PCDHGB6: variants seen among roughly 807,000 people sequenced by gnomAD.
The protein encoded by PCDHGB6 is protocadherin gamma subfamily B, 6, also known as protocadherin gamma-B6.
In PCDHGB6, 51 loss-of-function variants were observed where a neutral mutation model predicts 59.1. The ratio of observed to expected loss-of-function variants is 0.86; its 90% CI spans 0.69 to 1.09. The LOEUF is 1.09. Ranked by LOEUF, PCDHGB6 falls within the 50% of genes least tolerant of loss-of-function variation. PCDHGB6 has a pLI of 0.00. For missense variants in PCDHGB6, 1,148 were observed against 1,205.1 expected, an observed-to-expected ratio of 0.95 and a Z score of 0.70; for synonymous variants, 466 against 495.1, an observed-to-expected ratio of 0.94 and a Z score of 0.78.
chr5:141,467,376 A>G (rs1391386659), intron 1 of PCDHGB6, among the ~76,000 whole-genome samples: 2 of 151,990 alleles, frequency 1.3e-5, no homozygotes. Flanking sequence ...CTTATATTGC[A>G]TTTAGGTTTT....
At chr5:141,427,599 C>G (rs1233253295) in intron 1 of PCDHGB6, 1 of 682,980 alleles carries the variant, frequency 1.5e-6, no homozygotes, top group African/African-American at 1.8e-5. Flanking sequence ...CCTCACCCTA[C>G]GCATTGGTGA....
In PCDHGB6 at chr5:141,489,684, T is replaced by A; in HGVS notation, c.2419-5123T>A. 1 of 1,614,180 alleles carries A rather than the reference T, an allele frequency of 6.2e-7. No homozygotes were observed. Among genetic ancestry groups the A allele is most frequent in the South Asian group, 1.1e-5 (1 of 91,078 alleles). ...TGCGCATCTCAGAATCAGCAGCATC[T>A]GGGGCACGATTCCCACTGGACAGTG... On this transcript the variant is annotated intron_variant, in intron 1 of 3. Transcript: ENST00000520790. This position sits in a 1 kb window ranked among gnomAD's most constrained non-coding sequence, Gnocchi z 4.5.
Position 141,408,924 on chromosome 5 carries a change from T to G in PCDHGB6, c.722T>G (p.Val241Gly). 1 of 1,612,706 alleles carries G rather than the reference T, an allele frequency of 6.2e-7. No homozygotes were observed. Reference sequence around the variant, plus strand: ...AAGGATACCAATGATAACCCCCCGGTTTTCAGCAGAGACGAATATAGAATT... The same window carrying G: ...AAGGATACCAATGATAACCCCCCGGGTTTCAGCAGAGACGAATATAGAATT... ...SVKDTNDNPP[V>G]FSRDEYRISL... The change falls in exon 1 of 4, where the codon GTT (valine) becomes GGT (glycine). Residue 241 changes from valine (V) to glycine (G), a missense_variant. Physicochemically the swap from Val to Gly is moderately radical, Grantham distance 109 (BLOSUM62 -3). Coordinates refer to ENST00000520790, the MANE Select transcript of PCDHGB6 (RefSeq NM_018926.3).
At position 141,485,100 on chromosome 5, in the gene PCDHGB6, C is replaced by G. The variant is rs900224386; in HGVS notation, c.2419-9707C>G. 1.0e-5 allele frequency: 12 copies of G among 1,148,882 alleles called. No homozygotes were observed. Among genetic ancestry groups the G allele is most frequent in the Non-Finnish European group, 1.4e-5 (11 of 778,894 alleles). 71.2% of individuals were successfully genotyped at this position (1,148,882 alleles called of 1,614,324 possible). On this transcript the variant is annotated intron_variant, in intron 1 of 3. Coordinates refer to ENST00000520790, the MANE Select transcript of PCDHGB6 (RefSeq NM_018926.3). This position sits in a 1 kb window ranked among gnomAD's most constrained non-coding sequence, Gnocchi z 5.7. ...GGGAAAGGGAGATAGGTGTCTCCAG[C>G]TGCTGTGGCTGTTTGGGGCGGGTCG...
At chr5:141,467,337 G>A (rs1018807977) in intron 1 of PCDHGB6, among the ~76,000 whole-genome samples, 1 of 152,162 alleles carries the variant, frequency 6.6e-6, no homozygotes, top group Admixed American at 6.6e-5. Flanking sequence ...AGAGACGTAA[G>A]CCACTGCCCC....
chr5:141,421,078 C>T (rs11575964), intron 1 of PCDHGB6: 20,754 of 627,892 alleles, frequency 0.033, 387 homozygotes, highest in Middle Eastern at 0.088. Context: ...GAGATGGATA[C>T]TCACAGATCC....
At position 141,486,484 on chromosome 5, in the gene PCDHGB6, C is replaced by G. The variant is rs200150307; in HGVS notation, c.2419-8323C>G. ...ATGCTGGGAACCCTCCTCTCAGTAC[C>G]CACAGAACTATTTTCCTCAATATTT... On this transcript the variant is annotated intron_variant, in intron 1 of 3. Transcript: ENST00000520790. The surrounding 1 kb of genome is among the most constrained non-coding windows in gnomAD (Gnocchi z 5.0). The G allele has an allele frequency of 2.8e-5, 45 of 1,614,102 alleles. No homozygotes were observed. In the Admixed American group the frequency reaches 5.5e-4, roughly 20 times the overall value.
At position 141,487,063 on chromosome 5, in the gene PCDHGB6, G is replaced by T; in HGVS notation, c.2419-7744G>T. The T allele has an allele frequency of 6.2e-7, 1 of 1,614,086 alleles. No homozygotes were observed. ...CTCGATATGCTGGGGAGGTGCGGACGGCTGTTCCTATCCCAGCTGACCTCC... is the reference window on the plus strand; with the variant it reads ...CTCGATATGCTGGGGAGGTGCGGACTGCTGTTCCTATCCCAGCTGACCTCC... On this transcript the variant is annotated intron_variant, in intron 1 of 3. Coordinates refer to ENST00000520790, the MANE Select transcript of PCDHGB6 (RefSeq NM_018926.3). The surrounding 1 kb of genome is among the most constrained non-coding windows in gnomAD (Gnocchi z 5.0).
rs563283218 is a variant in PCDHGB6, at chr5:141,431,573, G to A, written c.2418+20953G>A. On this transcript the variant is annotated intron_variant, in intron 1 of 3. Coordinates refer to ENST00000520790, the MANE Select transcript of PCDHGB6 (RefSeq NM_018926.3). This position sits in a 1 kb window ranked among gnomAD's most constrained non-coding sequence, Gnocchi z 4.8. ...AGTCAACGCTACCGACCCTGACGAA[G>A]GAGTCAATGCGGAAGTGAGGTATTC... 5.6e-6 allele frequency: 9 copies of A among 1,614,186 alleles called. No homozygotes were observed. The South Asian group carries it at 8.8e-5, about 16-fold the overall frequency.
Position 141,487,631 on chromosome 5 carries a change from G to T in PCDHGB6, c.2419-7176G>T. Reference sequence around the variant, plus strand: ...TGGGCTAGAGGTGAGACCTTTGCAGGCTCAACAAATGCTTGAGGGTTATTC... The same window carrying T: ...TGGGCTAGAGGTGAGACCTTTGCAGTCTCAACAAATGCTTGAGGGTTATTC... On this transcript the variant is annotated intron_variant, in intron 1 of 3. Transcript: ENST00000520790. The surrounding 1 kb of genome is among the most constrained non-coding windows in gnomAD (Gnocchi z 5.0). The T allele has an allele frequency of 6.2e-7, 1 of 1,614,176 alleles. No individual in the cohort carries two copies. Among genetic ancestry groups the T allele is most frequent in the Non-Finnish European group, 8.5e-7 (1 of 1,180,032 alleles).
At chr5:141,423,838 T>G in intron 1 of PCDHGB6, 1 of 1,279,552 alleles carries the variant, frequency 7.8e-7, no homozygotes, top group South Asian at 3.5e-5. Context: ...GAGATTACGA[T>G]AATCTTTCAG....
In PCDHGB6 at chr5:141,485,062, C is replaced by T. The variant is rs2099606141; in HGVS notation, c.2419-9745C>T. 2.3e-6 allele frequency: 2 copies of T among 876,222 alleles called. No individual in the cohort carries two copies. Among genetic ancestry groups the T allele is most frequent in the Non-Finnish European group, 3.6e-6 (2 of 552,684 alleles). 54.3% of individuals were successfully genotyped at this position (876,222 alleles called of 1,614,324 possible). ...CCTTGCGGCGCCGGCCGAACCGCGCCAGAGCTGGCGCGGGGAAAGGGAGAT... is the reference window on the plus strand; with the variant it reads ...CCTTGCGGCGCCGGCCGAACCGCGCTAGAGCTGGCGCGGGGAAAGGGAGAT... On this transcript the variant is annotated intron_variant, in intron 1 of 3. Coordinates refer to ENST00000520790, the MANE Select transcript of PCDHGB6 (RefSeq NM_018926.3). The surrounding 1 kb of genome is among the most constrained non-coding windows in gnomAD (Gnocchi z 5.7).
At chr5:141,444,152 ATTTTTTTTTTTTTTTTTTT>A (rs747671382) in intron 1 of PCDHGB6, among the ~76,000 whole-genome samples, 14 of 33,898 alleles carry the variant, frequency 4.1e-4, no homozygotes, top group South Asian at 3.1e-3. Flanking sequence ...TGTGTACTGG[ATTTTTTTTTTTTTTTTTTT>A]TTTTTTTTTT....
intron 1 of PCDHGB6, chr5:141,478,585 T>A (rs1474599564): frequency 1.3e-5 from 20 of 1,576,728 alleles, no homozygotes; most frequent in Non-Finnish European, 1.7e-5. Flanking sequence ...TGTTAGTGCT[T>A]TTTTATTCCT....
At chr5:141,495,014 G>A (rs561045298) in intron 2 of PCDHGB6, 149 bp downstream of exon 2, 13 of 1,510,430 alleles carry the variant, frequency 8.6e-6, no homozygotes, top group South Asian at 7.5e-5. Flanking sequence ...GCGGGGGGCT[G>A]GCACACAGAC....
intron 1 of PCDHGB6, among the ~76,000 whole-genome samples, chr5:141,460,961 A>ATGTG (rs35821115): frequency 4.1e-5 from 6 of 144,616 alleles, no homozygotes; most frequent in South Asian, 2.2e-4. Context: ...GTATATATAT[A>ATGTG]TGTGTGTGTG....
chr5:141,494,775 A>G (rs1202233200), intron 1 of PCDHGB6, 32 bp from the exon 2 acceptor site: 1 of 1,613,580 alleles, frequency 6.2e-7, no homozygotes. Flanking sequence ...TCTCACGGGT[A>G]CTCAGCCCCT....
chr5:141,494,142 A>G (rs2099752161), intron 1 of PCDHGB6, among the ~76,000 whole-genome samples: 1 of 152,090 alleles, frequency 6.6e-6, no homozygotes, highest in South Asian at 2.1e-4. Context: ...TTAGTCACAG[A>G]CCATTGTCTG....
At chr5:141,418,811 A>C in intron 1 of PCDHGB6, 1 of 1,613,916 alleles carries the variant, frequency 6.2e-7, no homozygotes. Context: ...ATATACGATA[A>C]ACATAGAAGC....
Sources: gnomAD v4.1 joint callset for allele counts (sites outside exome capture counted in the v4.1 genomes callset) on GRCh38, gnomAD v4.1.1 for gene constraint, Gnocchi (gnomAD v3.1) non-coding constraint, MANE v1.5 for transcripts, NCBI Gene and HGNC (gene_info 2026-07-23, HGNC 2026-07-21) for gene names.